Variants in PIWIL4 observed in about 807,000 individuals in gnomAD.
PIWIL4 encodes the protein piwi like RNA-mediated gene silencing 4.
PIWIL4 carries 50 observed loss-of-function variants against 100.9 expected under a neutral mutation model. That is an observed-to-expected ratio of 0.50 (90% confidence interval 0.39 to 0.63). The LOEUF is 0.63. PIWIL4 is among the 20% of genes least tolerant of loss of function. The pLI is 0.00. For synonymous variants in PIWIL4, 342 were observed against 367.5 expected, an observed-to-expected ratio of 0.93 and a Z score of 0.79; for missense variants, 887 against 1,043.3, an observed-to-expected ratio of 0.85 and a Z score of 2.06.
Position 94,616,484 on chromosome 11 carries a change from T to TA in PIWIL4, c.1944-7dup, listed in dbSNP as rs1209414831. The TA allele has an allele frequency of 1.9e-6, 3 of 1,581,944 alleles. No homozygotes were observed. In the African/African-American group the frequency reaches 4.1e-5, roughly 22 times the overall value. On this transcript the variant is annotated splice_polypyrimidine_tract_variant and intron_variant, in intron 15 of 19. Coordinates refer to ENST00000299001, the MANE Select transcript of PIWIL4 (RefSeq NM_152431.3). The stretch of plus-strand genomic sequence containing the variant: ...TGAATTTTACTTTTATTTTTTTTTT[T>TA]AACTTTAGGTGGTTTTCCCGCTGTA...
chr11:94,619,843 C>G lies in PIWIL4; in HGVS notation c.2252C>G (p.Pro751Arg), dbSNP rs750177185. The stretch of plus-strand genomic sequence containing the variant: ...ATGAACCGCACTGTACAGAACCCCC[C>G]ACTTGGCACTGTTGTGGATTCAGAA... ...TEMNRTVQNP[P>R]LGTVVDSEAT... is the part of the protein sequence containing the mutation. The change falls in exon 18 of 20, where the codon CCA becomes CGA. Residue 751 changes from proline (P) to arginine (R), a missense_variant. By Grantham distance (103) the Pro-to-Arg change is moderately radical. Around this residue, in one of 2 missense-constraint regions of PIWIL4, gnomAD observed 741 missense variants for 930.0 expected, o/e 0.80. Transcript: ENST00000299001. The G allele has an allele frequency of 7.4e-6, 12 of 1,614,110 alleles. No homozygotes were observed. The African/African-American group carries it at 8.0e-5, about 11-fold the overall frequency.
rs71473203 is a variant in PIWIL4 at position 94,581,956 on chromosome 11, T to C, written c.514-1492T>C. ...GAACAGCTGAGATAGATCAGAGACA[T>C]TCCTGGTGTAGATACAATAAGACTT... On this transcript the variant is annotated intron_variant, in intron 4 of 19. Transcript: ENST00000299001. Among the ~76,000 whole-genome samples the C allele has an allele frequency of 6.3e-3, 959 of 152,262 alleles. 8 individuals carry two copies. The highest frequency in any genetic ancestry group is 0.014 in the African/African-American group (575 of 41,546).
rs745601311 is a variant in PIWIL4, at chr11:94,603,947, G to A, written c.1566-37G>A. ...CATATAAGTATGTGCTACTAAGAAG[G>A]AAGTTACATAGCTTCAAAATTAATC... On this transcript the variant is annotated intron_variant, in intron 12 of 19. Transcript: ENST00000299001. 1.3e-5 allele frequency: 18 copies of A among 1,359,408 alleles called. No homozygotes were observed. In the African/African-American group the frequency reaches 2.3e-4, roughly 17 times the overall value. The allele number at this position is 1,359,408 out of a possible 1,614,324, so 84.2% of individuals were successfully genotyped here.
chr11:94,594,556 G>A (rs1948531209), intron 9 of PIWIL4, among the ~76,000 whole-genome samples: 1 of 151,596 alleles, frequency 6.6e-6, no homozygotes, highest in South Asian at 2.1e-4. Flanking sequence ...TTTTGAGATG[G>A]AGTTTCACTC....
chr11:94,607,390 TAGC>T lies in PIWIL4; in HGVS notation c.1639-46_1639-44del, dbSNP rs759348588. On this transcript the variant is annotated intron_variant, in intron 13 of 19. Transcript: ENST00000299001. ...TTCATTTCTTTAAAAAGCAACTTCT[TAGC>T]AGAAGTAAATTAACTTCCAAAATCT... The T allele has an allele frequency of 4.6e-6, 7 of 1,514,706 alleles. No homozygotes were observed. The Admixed American group carries it at 1.2e-4, about 26-fold the overall frequency. 93.8% of individuals were successfully genotyped at this position (1,514,706 alleles called of 1,614,324 possible).
At chr11:94,613,986 A>T (rs1344391499) in intron 15 of PIWIL4, among the ~76,000 whole-genome samples, 3 of 150,842 alleles carry the variant, frequency 2.0e-5, no homozygotes, top group Admixed American at 2.0e-4. Flanking sequence ...CTAGTCTCAA[A>T]CTCCTAACCT....
chr11:94,611,322 G>T (rs1948785237), intron 15 of PIWIL4, among the ~76,000 whole-genome samples: 3 of 151,910 alleles, frequency 2.0e-5, no homozygotes, highest in African/African-American at 4.8e-5. Context: ...TTAGTTTTTA[G>T]TATTTTGTTG....
At chr11:94,595,932 T>C (rs1397942314) in intron 10 of PIWIL4, among the ~76,000 whole-genome samples, 1 of 152,206 alleles carries the variant, frequency 6.6e-6, no homozygotes, top group Non-Finnish European at 1.5e-5. Flanking sequence ...TCCGTTCTTA[T>C]TTATGACAGT....
chr11:94,593,838 A>G (rs1340386907), intron 9 of PIWIL4, among the ~76,000 whole-genome samples, 197 bp downstream of exon 9: 1 of 152,198 alleles, frequency 6.6e-6, no homozygotes, highest in East Asian at 1.9e-4. Context: ...TATTCCATGT[A>G]TTACTTTGAT....
intron 7 of PIWIL4, 85 bp downstream of exon 7, chr11:94,587,332 C>T (rs1350361544): frequency 1.6e-5 from 21 of 1,326,688 alleles, no homozygotes; most frequent in Non-Finnish European, 2.1e-5. Context: ...GGAGTATTGG[C>T]CCAATATCAC....
chr11:94,597,793 T>G lies in PIWIL4; in HGVS notation c.1269-11T>G. ...TCTCTCTTTAATGATTTAAAACAAC[T>G]TTATCAACAGGAATACCAATGCTCG... On this transcript the variant is annotated splice_polypyrimidine_tract_variant and intron_variant, in intron 10 of 19. Coordinates refer to ENST00000299001, the MANE Select transcript of PIWIL4 (RefSeq NM_152431.3). 6.3e-7 allele frequency: 1 copy of G among 1,591,250 alleles called. No homozygotes were observed. Among genetic ancestry groups the G allele is most frequent in the Non-Finnish European group, 8.6e-7 (1 of 1,160,646 alleles).
chr11:94,616,624 A>G, intron 16 of PIWIL4, 61 bp downstream of exon 16: 1 of 1,357,974 alleles, frequency 7.4e-7, no homozygotes, highest in Non-Finnish European at 1.0e-6. Flanking sequence ...CCTCAAATCC[A>G]CATGCTTATA....
At chr11:94,582,591 A>G (rs1948335940) in intron 4 of PIWIL4, among the ~76,000 whole-genome samples, 1 of 152,120 alleles carries the variant, frequency 6.6e-6, no homozygotes, top group South Asian at 2.1e-4. Flanking sequence ...TCATTGATTG[A>G]TATTTATTGA....
chr11:94,578,340 A>C (rs750433157), intron 4 of PIWIL4, among the ~76,000 whole-genome samples: 6 of 152,178 alleles, frequency 3.9e-5, no homozygotes, highest in Admixed American at 6.5e-5. Context: ...GTTGAATGGA[A>C]AGTTTGCTCA....
chr11:94,599,927 G>A (rs1050357589), intron 11 of PIWIL4, among the ~76,000 whole-genome samples: 1 of 152,058 alleles, frequency 6.6e-6, no homozygotes, highest in Non-Finnish European at 1.5e-5. Flanking sequence ...TGGTGCACAG[G>A]AGTCTGCATT....
At chr11:94,592,021 A>G (rs1453523546) in intron 8 of PIWIL4, among the ~76,000 whole-genome samples, 1 of 152,050 alleles carries the variant, frequency 6.6e-6, no homozygotes, top group African/African-American at 2.4e-5. Context: ...ACCTGAGACT[A>G]TCCGTACTCC....
intron 15 of PIWIL4, among the ~76,000 whole-genome samples, chr11:94,615,458 T>C (rs964644478): frequency 2.6e-5 from 4 of 152,206 alleles, no homozygotes; most frequent in South Asian, 4.1e-4. Flanking sequence ...AACGTCACCA[T>C]TGGAGTTAGT....
chr11:94,595,212 GGT>G lies in PIWIL4; in HGVS notation c.1151-95_1151-94del. On this transcript the variant is annotated intron_variant, in intron 9 of 19. Transcript: ENST00000299001. Reference sequence around the variant, plus strand: ...TTTCTATTGGATGTGCTATACAGATGGTGAATGCATTCAAGTGGAAAGGTTTA... The same window carrying G: ...TTTCTATTGGATGTGCTATACAGATGGAATGCATTCAAGTGGAAAGGTTTA... 4.5e-6 allele frequency: 4 copies of G among 892,786 alleles called. No homozygotes were observed. The Middle Eastern group carries it at 9.3e-4, about 207-fold the overall frequency. The allele number at this position is 892,786 out of a possible 1,614,324, so 55.3% of individuals were successfully genotyped here.
At chr11:94,572,361 C>A (rs1158982117) in intron 2 of PIWIL4, among the ~76,000 whole-genome samples, 1 of 152,172 alleles carries the variant, frequency 6.6e-6, no homozygotes, top group Non-Finnish European at 1.5e-5. Flanking sequence ...GAAGTCCTTG[C>A]CCATGCCTAT....
Sources: allele counts gnomAD v4.1 joint callset (sites outside exome capture counted in the v4.1 genomes callset), GRCh38; gene constraint gnomAD v4.1.1; regional missense constraint gnomAD v4.1.1; transcripts MANE v1.5; gene names NCBI Gene and HGNC (gene_info 2026-07-23, HGNC 2026-07-21).